ST18: variants seen among roughly 807,000 people sequenced by gnomAD.
ST18 encodes the protein ST18 C2H2C-type zinc finger transcription factor.
A neutral mutation model predicts 110.0 loss-of-function variants in ST18; 50 were observed. The observed-to-expected ratio is 0.45, with a 90% confidence interval of 0.36 to 0.58. The LOEUF (loss-of-function observed/expected upper bound fraction) is 0.58. Ranked by LOEUF, ST18 falls within the 20% of genes least tolerant of loss-of-function variation. The pLI, the probability that ST18 is intolerant of heterozygous loss-of-function variation, is 0.00. For synonymous variants in ST18, 461 were observed against 452.4 expected, an observed-to-expected ratio of 1.02 and a Z score of -0.24; for missense variants, 1,306 against 1,280.1, an observed-to-expected ratio of 1.02 and a Z score of -0.31.
In ST18 at chr8:52,124,059, T is replaced by A. The variant is rs986138899; in HGVS notation, c.2755+1993A>T. Among the ~76,000 whole-genome samples the A allele has an allele frequency of 2.0e-5, 3 of 152,206 alleles. No homozygotes were observed. In the East Asian group the frequency reaches 5.8e-4, roughly 29 times the overall value. On this transcript the variant is annotated intron_variant, in intron 23 of 25. Transcript: ENST00000689386. The stretch of plus-strand genomic sequence containing the variant: ...TTGTGTTGGCTTCTAAAAGGCAAGG[T>A]CAAATTTGCAATCCTTATTTACCCA...
At chr8:52,192,590 T>C (rs1221321550) in intron 8 of ST18, among the ~76,000 whole-genome samples, 1 of 152,212 alleles carries the variant, frequency 6.6e-6, no homozygotes, top group Non-Finnish European at 1.5e-5. Context: ...CCTACCAGGA[T>C]GAGTGTCTTC....
intron 8 of ST18, among the ~76,000 whole-genome samples, chr8:52,208,872 C>T (rs1196491159): frequency 6.6e-6 from 1 of 151,978 alleles, no homozygotes; most frequent in Non-Finnish European, 1.5e-5. Context: ...TGGGACCTTG[C>T]CTGTCTAAGC....
Position 52,357,722 on chromosome 8 carries a change from TA to T in ST18, c.-465+51605del, listed in dbSNP as rs59251811. Reference sequence around the variant, plus strand: ...ATATATATATATATATATATATATATATATATATAAAACAGACTCAAAGGGA... The same window carrying T: ...ATATATATATATATATATATATATATTATATATAAAACAGACTCAAAGGGA... On this transcript the variant is annotated intron_variant, in intron 2 of 25. Transcript: ENST00000689386. 1.7e-3 allele frequency among the ~76,000 whole-genome samples: 121 copies of T among 70,794 alleles called. 2 individuals are homozygous for T. The highest frequency in any genetic ancestry group is 0.011 in the African/African-American group (108 of 9,674). The allele number at this position is 70,794 out of a possible 152,430, so 46.4% of individuals were successfully genotyped here.
At chr8:52,287,790 A>T (rs561664150) in intron 2 of ST18, among the ~76,000 whole-genome samples, 41 of 152,308 alleles carry the variant, frequency 2.7e-4, no homozygotes, top group African/African-American at 9.9e-4. Context: ...AGGCATTTTT[A>T]AAAATGCAGT....
At chr8:52,248,787 A>T (rs1208117182) in intron 2 of ST18, among the ~76,000 whole-genome samples, 1 of 152,200 alleles carries the variant, frequency 6.6e-6, no homozygotes, top group Non-Finnish European at 1.5e-5. Flanking sequence ...CAGATTCAAG[A>T]GAAATTAAAT....
intron 2 of ST18, among the ~76,000 whole-genome samples, chr8:52,277,113 G>A (rs1427708639): frequency 6.6e-6 from 1 of 152,192 alleles, no homozygotes; most frequent in Non-Finnish European, 1.5e-5. Flanking sequence ...GACCTCTTAG[G>A]TCAGAGACTG....
intron 2 of ST18, among the ~76,000 whole-genome samples, chr8:52,376,348 C>T (rs56822072): frequency 5.9e-5 from 9 of 152,292 alleles, no homozygotes; most frequent in East Asian, 1.9e-4. Context: ...TCACCCACCA[C>T]GAGGCCTCTG....
intron 2 of ST18, among the ~76,000 whole-genome samples, chr8:52,342,062 C>G (rs577803999): frequency 1.3e-5 from 2 of 152,184 alleles, no homozygotes; most frequent in Non-Finnish European, 2.9e-5. Flanking sequence ...ATACTGATTA[C>G]TTTTTAGTGT....
chr8:52,200,083 T>G (rs1180110433), intron 8 of ST18, among the ~76,000 whole-genome samples: 1 of 150,948 alleles, frequency 6.6e-6, no homozygotes, highest in Non-Finnish European at 1.5e-5. Flanking sequence ...ATTTATTCAG[T>G]TTTTTTTTAT....
chr8:52,332,382 C>T (rs1196184097), intron 2 of ST18, among the ~76,000 whole-genome samples: 3 of 152,112 alleles, frequency 2.0e-5, no homozygotes, highest in Non-Finnish European at 4.4e-5. Context: ...AAACCTTGCT[C>T]AGTGTTTCTT....
At chr8:52,219,775 T>G (rs1195244006) in intron 5 of ST18, among the ~76,000 whole-genome samples, 2 of 152,172 alleles carry the variant, frequency 1.3e-5, no homozygotes, top group Admixed American at 6.5e-5. Context: ...TTCTTAGAAA[T>G]GCACTGCCAT....
In ST18 at chr8:52,111,095, T is replaced by TACAA. The variant is rs2040419919; in HGVS notation, c.*2099_*2102dup. 2.5e-6 allele frequency: 1 copy of TACAA among 397,730 alleles called. No homozygotes were observed. Among genetic ancestry groups the TACAA allele is most frequent in the Non-Finnish European group, 4.4e-6 (1 of 225,312 alleles). The allele number at this position is 397,730 out of a possible 1,614,324, so 24.6% of individuals were successfully genotyped here. Reference sequence around the variant, plus strand: ...ATCAAGTACAAAGTAGGCAAATAAATACAAACATACTTCACAAAACATCCT... The same window carrying TACAA: ...ATCAAGTACAAAGTAGGCAAATAAATACAAACAAACATACTTCACAAAACATCCT... On this transcript the variant is annotated 3_prime_UTR_variant, in exon 26 of 26. Transcript: ENST00000689386.
chr8:52,302,857 T>A (rs188404792), intron 2 of ST18, among the ~76,000 whole-genome samples: 4 of 152,052 alleles, frequency 2.6e-5, no homozygotes, highest in Admixed American at 1.3e-4. Context: ...AAAAAATACA[T>A]AGAAGGAAGT....
intron 2 of ST18, among the ~76,000 whole-genome samples, chr8:52,328,652 C>T (rs921917953): frequency 6.6e-6 from 1 of 152,158 alleles, no homozygotes; most frequent in African/African-American, 2.4e-5. Flanking sequence ...GATCTCCAGC[C>T]TACCATATAC....
intron 9 of ST18, among the ~76,000 whole-genome samples, chr8:52,178,429 C>T (rs901653900): frequency 6.6e-6 from 1 of 151,502 alleles, no homozygotes; most frequent in Non-Finnish European, 1.5e-5. Context: ...GAGTTTGAGA[C>T]CAGCTTAGCC....
chr8:52,165,572 C>A (rs938559602), intron 11 of ST18, among the ~76,000 whole-genome samples: 1 of 152,158 alleles, frequency 6.6e-6, no homozygotes, highest in African/African-American at 2.4e-5. Context: ...TCATATAGTT[C>A]TTTCTATCTT....
intron 22 of ST18, among the ~76,000 whole-genome samples, chr8:52,131,675 C>T (rs770815457): frequency 4.6e-4 from 70 of 152,160 alleles, no homozygotes; most frequent in Admixed American, 1.1e-3. Context: ...ATGACTGAAC[C>T]GTTAAGAAAT....
intron 8 of ST18, among the ~76,000 whole-genome samples, chr8:52,181,554 A>G (rs1289867906): frequency 1.3e-5 from 2 of 152,234 alleles, no homozygotes; most frequent in African/African-American, 2.4e-5. Flanking sequence ...AGAATTAAAA[A>G]TCACCCTGAT....
At position 52,166,797 on chromosome 8, in the gene ST18, A is replaced by G; in HGVS notation, c.1204+55T>C. ...CAAATTGGGAGACAAAGAGGATAAC[A>G]TCTTGATGATCTGGCGTGCATAAGC... On this transcript the variant is annotated intron_variant, in intron 11 of 25. Transcript: ENST00000689386. 5 of 1,447,828 alleles carry G rather than the reference A, an allele frequency of 3.5e-6. No individual in the cohort carries two copies. The South Asian group carries it at 4.8e-5, about 14-fold the overall frequency. 89.7% of individuals were successfully genotyped at this position (1,447,828 alleles called of 1,614,324 possible).
Sources: allele counts gnomAD v4.1 joint callset (sites outside exome capture counted in the v4.1 genomes callset), GRCh38; gene constraint gnomAD v4.1.1; transcripts MANE v1.5; gene names NCBI Gene and HGNC (gene_info 2026-07-23, HGNC 2026-07-21).